The following PPM1L variants were observed in gnomAD, a reference collection of about 807,000 sequenced individuals.
The protein encoded by PPM1L is protein phosphatase, Mg2+/Mn2+ dependent 1L.
Under a neutral mutation model 31.4 loss-of-function variants are expected in PPM1L, and 13 were observed. The ratio of observed to expected loss-of-function variants is 0.41; its 90% CI spans 0.27 to 0.66. PPM1L has a LOEUF of 0.66. Ranked by LOEUF, PPM1L falls within the 30% of genes least tolerant of loss-of-function variation. The pLI is 0.29. For missense variants in PPM1L, 326 were observed against 453.7 expected (o/e 0.72, Z 2.56); for synonymous variants, 184 against 175.4 (o/e 1.05, Z -0.39).
At chr3:160,947,848 A>G (rs1431292413) in intron 1 of PPM1L, among the ~76,000 whole-genome samples, 1 of 152,204 alleles carries the variant, frequency 6.6e-6, no homozygotes, top group Non-Finnish European at 1.5e-5. Flanking sequence ...ACAGCTCTTT[A>G]GACACTAGGA....
At chr3:160,886,128 A>G (rs1167451164) in intron 1 of PPM1L, among the ~76,000 whole-genome samples, 1 of 152,222 alleles carries the variant, frequency 6.6e-6, no homozygotes, top group South Asian at 2.1e-4. Flanking sequence ...ACCCTGACTC[A>G]TATTTCCTTA....
chr3:161,037,262 C>T lies in PPM1L; in HGVS notation c.575-28141C>T, dbSNP rs1161775772. On this transcript the variant is annotated intron_variant, in intron 2 of 3. Transcript: ENST00000498165. The stretch of plus-strand genomic sequence containing the variant: ...TTTGGTTTGCTCCTTTGCTCTTTGT[C>T]TCTGGAATCACATGCTCAGGGGGAA... Among the ~76,000 whole-genome samples the T allele has an allele frequency of 3.3e-5, 5 of 152,226 alleles. No homozygotes were observed. The East Asian group carries it at 5.8e-4, about 18-fold the overall frequency.
At chr3:161,037,412 C>CTTTTTT (rs59883046) in intron 2 of PPM1L, among the ~76,000 whole-genome samples, 4 of 99,488 alleles carry the variant, frequency 4.0e-5, no homozygotes, top group African/African-American at 8.2e-5. Flanking sequence ...CCTACTTGAG[C>CTTTTTT]TTTTTTTTTT....
chr3:161,068,566 A>G (rs1186426773), intron 3 of PPM1L, among the ~76,000 whole-genome samples: 3 of 152,140 alleles, frequency 2.0e-5, no homozygotes, highest in African/African-American at 7.2e-5. Flanking sequence ...TGTATCCGCC[A>G]CCTTCAGTAC....
At chr3:161,030,108 G>A (rs942997345) in intron 2 of PPM1L, among the ~76,000 whole-genome samples, 1 of 152,148 alleles carries the variant, frequency 6.6e-6, no homozygotes, top group Admixed American at 6.5e-5. Flanking sequence ...CCATTTTACA[G>A]TTTCCAAATC....
rs565242685 is a variant in PPM1L, at chr3:160,929,406, T to C, written c.400-32330T>C. Among the ~76,000 whole-genome samples the C allele has an allele frequency of 1.7e-3, 264 of 152,274 alleles. 1 individual carries two copies. Among genetic ancestry groups the C allele is most frequent in the African/African-American group, 6.2e-3 (258 of 41,560 alleles). On this transcript the variant is annotated intron_variant, in intron 1 of 3. Coordinates refer to ENST00000498165, the MANE Select transcript of PPM1L (RefSeq NM_139245.4). The stretch of plus-strand genomic sequence containing the variant: ...CTTCCCCAGTTAAGACCTTTGACAG[T>C]TAGAAACTCTGTCTTCCTTAAGTTT...
At chr3:160,887,573 C>CT (rs58869949) in intron 1 of PPM1L, among the ~76,000 whole-genome samples, 3,656 of 142,574 alleles carry the variant, frequency 0.026, 79 homozygotes, top group Middle Eastern at 0.04. Flanking sequence ...TAATATTCAA[C>CT]TTTTTTTTTT....
At chr3:160,943,929 A>G (rs1390934381) in intron 1 of PPM1L, among the ~76,000 whole-genome samples, 1 of 152,162 alleles carries the variant, frequency 6.6e-6, no homozygotes, top group Non-Finnish European at 1.5e-5. Context: ...TGGGGAATAT[A>G]AGGAAATTAA....
intron 1 of PPM1L, among the ~76,000 whole-genome samples, chr3:160,786,462 C>T: frequency 6.6e-6 from 1 of 151,276 alleles, no homozygotes; most frequent in Non-Finnish European, 1.5e-5. Context: ...GGGTTATCCA[C>T]CTGCCTCTGC....
intron 2 of PPM1L, among the ~76,000 whole-genome samples, chr3:161,055,226 A>C (rs1426119371): frequency 6.6e-6 from 1 of 152,148 alleles, no homozygotes; most frequent in Non-Finnish European, 1.5e-5. Flanking sequence ...CATGGCATTG[A>C]TTATTAGAAG....
chr3:160,961,558 T>C (rs1715964391), intron 1 of PPM1L, among the ~76,000 whole-genome samples, 178 bp from the exon 2 acceptor site: 1 of 152,216 alleles, frequency 6.6e-6, no homozygotes, highest in Non-Finnish European at 1.5e-5. Flanking sequence ...GTGATTCTAT[T>C]TGAAGATCAC....
chr3:160,786,157 C>CTCTCTGTG (rs1553806231), intron 1 of PPM1L, among the ~76,000 whole-genome samples: 1 of 69,178 alleles, frequency 1.4e-5, no homozygotes, highest in Non-Finnish European at 2.3e-5. Context: ...CTCTCTCTCT[C>CTCTCTGTG]TGTGTGTGTG....
intron 2 of PPM1L, among the ~76,000 whole-genome samples, chr3:160,979,135 C>T (rs1434310035): frequency 6.6e-6 from 1 of 152,040 alleles, no homozygotes; most frequent in East Asian, 1.9e-4. Context: ...TCACTTTTAT[C>T]ACTAATGAAT....
intron 2 of PPM1L, among the ~76,000 whole-genome samples, chr3:160,972,670 G>T (rs1226201501): frequency 6.6e-6 from 1 of 152,124 alleles, no homozygotes; most frequent in African/African-American, 2.4e-5. Flanking sequence ...ACATGTGCAT[G>T]TGTCTTTATA....
chr3:160,849,615 G>A (rs1022873233), intron 1 of PPM1L, among the ~76,000 whole-genome samples: 3 of 150,460 alleles, frequency 2.0e-5, no homozygotes, highest in African/African-American at 4.9e-5. Context: ...TAGTAGAGAC[G>A]CAGTTTCACT....
chr3:160,965,061 C>G lies in PPM1L; in HGVS notation c.574+3151C>G, dbSNP rs181282185. ...GGTCAGGAGATGGAGACCATACTGG[C>G]TAACATGGTGAAACCCCATCTCTAC... On this transcript the variant is annotated intron_variant, in intron 2 of 3. Coordinates refer to ENST00000498165, the MANE Select transcript of PPM1L (RefSeq NM_139245.4). Among the ~76,000 whole-genome samples the G allele has an allele frequency of 6.7e-3, 1,020 of 151,952 alleles. 12 individuals are homozygous for G. The highest frequency in any genetic ancestry group is 8.8e-3 in the Non-Finnish European group (599 of 67,918).
intron 1 of PPM1L, among the ~76,000 whole-genome samples, chr3:160,853,994 C>T (rs1412621564): frequency 6.6e-6 from 1 of 152,144 alleles, no homozygotes; most frequent in South Asian, 2.1e-4. Flanking sequence ...AGTCCCCACA[C>T]GTCGGTTGTA....
chr3:160,778,082 G>A (rs977155679), intron 1 of PPM1L, among the ~76,000 whole-genome samples: 4 of 151,998 alleles, frequency 2.6e-5, no homozygotes, highest in African/African-American at 9.7e-5. Flanking sequence ...ATATCTCATT[G>A]TGGTTTTGAT....
At chr3:160,881,426 A>G (rs1009412117) in intron 1 of PPM1L, among the ~76,000 whole-genome samples, 1 of 152,180 alleles carries the variant, frequency 6.6e-6, no homozygotes, top group Admixed American at 6.5e-5. Context: ...GAACAGGGCT[A>G]GGAGAGAGGA....
Sources: gnomAD v4.1 joint callset for allele counts (sites outside exome capture counted in the v4.1 genomes callset) on GRCh38, gnomAD v4.1.1 for gene constraint, MANE v1.5 for transcripts, NCBI Gene and HGNC (gene_info 2026-07-23, HGNC 2026-07-21) for gene names.